ERCC6: variants seen among roughly 807,000 people sequenced by gnomAD.
ERCC6 encodes the protein DNA excision repair protein ERCC-6.
In ERCC6, 116 loss-of-function variants were observed where a neutral mutation model predicts 158.7. The observed-to-expected ratio is 0.73, with a 90% CI of 0.63 to 0.85. ERCC6 has a LOEUF of 0.85. Ranked by LOEUF, ERCC6 falls within the 40% of genes least tolerant of loss-of-function variation. ERCC6 has a pLI of 0.00. For missense variants in ERCC6, 1,698 were observed against 1,799.4 expected (o/e 0.94, Z 1.02); for synonymous variants, 678 against 659.3 (o/e 1.03, Z -0.43).
At chr10:49,516,785 A>C in intron 5 of ERCC6, 2 of 1,614,112 alleles carry the variant, frequency 1.2e-6, no homozygotes, top group Middle Eastern at 1.6e-4. Flanking sequence ...ATTTGCAAAG[A>C]ATTTTTGTCA....
chr10:49,529,738 G>C (rs953110816), intron 3 of ERCC6, among the ~76,000 whole-genome samples: 4 of 152,148 alleles, frequency 2.6e-5, no homozygotes, highest in African/African-American at 9.7e-5. Context: ...TCACTGCAGT[G>C]AATCAACTGT....
At chr10:49,510,486 A>G (rs1461442249) in intron 5 of ERCC6, among the ~76,000 whole-genome samples, 2 of 152,018 alleles carry the variant, frequency 1.3e-5, no homozygotes, top group African/African-American at 4.8e-5. Context: ...GAAACCTCCC[A>G]TGACCAGCCA....
rs1180526307 is a variant in ERCC6 at position 49,500,557 on chromosome 10, T to A, written c.1666A>T (p.Thr556Ser). 5.0e-6 allele frequency: 8 copies of A among 1,613,696 alleles called. No individual in the cohort carries two copies. The Admixed American group carries it at 1.0e-4, about 20-fold the overall frequency. Reference sequence around the variant, plus strand: ...ACTTGCCTGTAATTTGAACCACGAGTCCTGATCTTGCTGTAGCTCAGACCT... The same window carrying A: ...ACTTGCCTGTAATTTGAACCACGAGACCTGATCTTGCTGTAGCTCAGACCT... ...LAGLSYSKIR[T>S]RGSNYRFEGL... Residue 556 changes from threonine (T) to serine (S), a missense_variant, in exon 7 of 21, where the codon ACT (threonine) becomes TCT (serine). Coordinates refer to ENST00000355832, the MANE Select transcript of ERCC6 (RefSeq NM_000124.4).
In ERCC6 at chr10:49,505,727, C is replaced by T. The variant is rs897780448; in HGVS notation, c.1526+157G>A. The T allele has an allele frequency of 9.2e-6, 7 of 759,448 alleles. No individual in the cohort carries two copies. In the African/African-American group the frequency reaches 1.1e-4, roughly 11 times the overall value. 47.0% of individuals were successfully genotyped at this position (759,448 alleles called of 1,614,324 possible). A position where few individuals can be genotyped will look rare whatever the true frequency, so the allele number is the denominator to read the frequency against. ...ATTATCATCCAATTTTAATGAACAG[C>T]ACGTGGCTATAATTTCATTTGACAG... On this transcript the variant is annotated intron_variant, in intron 6 of 20. Transcript: ENST00000355832.
rs775532307 is a variant in ERCC6, at chr10:49,471,083, T to C, written c.2962A>G (p.Lys988Glu). 11 of 1,614,082 alleles carry C rather than the reference T, an allele frequency of 6.8e-6. No individual in the cohort carries two copies. The East Asian group carries it at 1.8e-4, about 26-fold the overall frequency. ...AAAAACCGCCTTTGTTTTGGGTCTT[T>C]TAGCACTCTATTTGTCAAAAACTGC... The part of the protein sequence containing the change: ...FKQFLTNRVL[K>E]DPKQRRFFKS... Residue 988 changes from lysine (K) to glutamate (E), a missense_variant, in exon 17 of 21, where the codon AAA (lysine) becomes GAA (glutamate). By Grantham distance (56) the Lys-to-Glu change is moderately conservative. Coordinates refer to ENST00000355832, the MANE Select transcript of ERCC6 (RefSeq NM_000124.4).
chr10:49,462,886 G>C (rs955080860), intron 18 of ERCC6, among the ~76,000 whole-genome samples: 2 of 152,216 alleles, frequency 1.3e-5, no homozygotes, highest in Admixed American at 1.3e-4. Flanking sequence ...CCTTACAAAA[G>C]GGAGTTGGGC....
chr10:49,487,273 C>A (rs1013775684), intron 8 of ERCC6, among the ~76,000 whole-genome samples: 5 of 152,094 alleles, frequency 3.3e-5, no homozygotes, highest in African/African-American at 1.2e-4. Flanking sequence ...AACCACAATG[C>A]CTGGACCTAT....
intron 8 of ERCC6, among the ~76,000 whole-genome samples, chr10:49,488,700 T>C (rs1851119890): frequency 2.6e-5 from 4 of 152,006 alleles, no homozygotes; most frequent in Admixed American, 2.6e-4. Flanking sequence ...AAGCCACGTC[T>C]TTTTGCTCTA....
At chr10:49,508,384 T>C (rs1422655668) in intron 5 of ERCC6, among the ~76,000 whole-genome samples, 1 of 152,142 alleles carries the variant, frequency 6.6e-6, no homozygotes, top group African/African-American at 2.4e-5. Context: ...ATCGACAAGA[T>C]TCAGTTTCCT....
chr10:49,468,671 C>T (rs1253935491), intron 18 of ERCC6, among the ~76,000 whole-genome samples: 3 of 152,130 alleles, frequency 2.0e-5, no homozygotes, highest in African/African-American at 7.2e-5. Context: ...CACATACATA[C>T]ATCTATTTCC....
In ERCC6 at chr10:49,478,402, C is replaced by T; in HGVS notation, c.2238G>A (p.Met746Ile). The change falls in exon 11 of 21, where the codon ATG becomes ATA. Residue 746 changes from methionine (M) to isoleucine (I), a missense_variant. Met to Ile is a conservative substitution (Grantham distance 10). Transcript: ENST00000355832. Reference protein sequence around the residue: ...DTINPYLLRRMKSDVKMSLSL... With the variant: ...DTINPYLLRRIKSDVKMSLSL... ...AAAGGCTCATCTTGACATCTGACTTCATTCTCCGCAGTAGGTATGGATTTA... is the reference window on the plus strand; with the variant it reads ...AAAGGCTCATCTTGACATCTGACTTTATTCTCCGCAGTAGGTATGGATTTA... 1.2e-6 allele frequency: 2 copies of T among 1,614,052 alleles called. No individual in the cohort carries two copies. The highest frequency in any genetic ancestry group is 1.7e-6 in the Non-Finnish European group (2 of 1,179,966).
At position 49,470,646 on chromosome 10, in the gene ERCC6, T is replaced by G. The variant is rs757873730; in HGVS notation, c.3314A>C (p.Asp1105Ala). The G allele has an allele frequency of 1.1e-5, 18 of 1,613,642 alleles. No individual in the cohort carries two copies. The highest frequency in any genetic ancestry group is 1.6e-4 in the Middle Eastern group (1 of 6,084). Residue 1105 changes from aspartate (D) to alanine (A), a missense_variant, in exon 18 of 21, where the codon GAT (aspartate) becomes GCT (alanine). Asp to Ala is a moderately radical substitution (Grantham distance 126, BLOSUM62 -2). Transcript: ENST00000355832. ...TGCATTTGTCTCTTCTCCAAGCCTA[T>G]CATTGCTAGTTACATTACTACTCAT... ...PHMSSNVTSN[D>A]RLGEETNAVS... is the part of the protein sequence containing the mutation.
At chr10:49,507,171 T>C (rs1851458341) in intron 5 of ERCC6, among the ~76,000 whole-genome samples, 1 of 152,194 alleles carries the variant, frequency 6.6e-6, no homozygotes, top group African/African-American at 2.4e-5. Context: ...AGGTAGCTAC[T>C]GGTGGACCTT....
At chr10:49,443,289 C>T in the ERCC6 span, among the ~76,000 whole-genome samples, 1 of 152,044 alleles carries the variant, frequency 6.6e-6, no homozygotes, top group Non-Finnish European at 1.5e-5. Context: ...TAGATGAAGA[C>T]AAAATTCCAA....
intron 5 of ERCC6, chr10:49,517,209 T>TA (rs1837005488): frequency 6.8e-7 from 1 of 1,479,952 alleles, no homozygotes. Flanking sequence ...GTCAAACCCA[T>TA]AACTAATGCA....
intron 5 of ERCC6, chr10:49,515,107 A>T (rs1836906692): frequency 3.9e-6 from 4 of 1,027,160 alleles, no homozygotes; most frequent in Non-Finnish European, 5.1e-6. Flanking sequence ...CTAAGAAAAC[A>T]TCTTTAACCC....
rs1471311719 is a variant in ERCC6 at position 49,517,234 on chromosome 10, T to C, written c.1397+6799A>G. 2.1e-6 allele frequency: 3 copies of C among 1,408,128 alleles called. No homozygotes were observed. In the African/African-American group the frequency reaches 4.3e-5, roughly 20 times the overall value. The allele number at this position is 1,408,128 out of a possible 1,614,324, so 87.2% of individuals were successfully genotyped here. A position where few individuals can be genotyped will look rare whatever the true frequency, so the allele number is the denominator to read the frequency against. On this transcript the variant is annotated intron_variant, in intron 5 of 20. Coordinates refer to ENST00000355832, the MANE Select transcript of ERCC6 (RefSeq NM_000124.4). ...TAACTAATGCAATAATAATACTTTC[T>C]GTATTTTCTTTTTACCGCACAATAG...
intron 5 of ERCC6, chr10:49,516,769 T>C: frequency 6.2e-7 from 1 of 1,614,160 alleles, no homozygotes; most frequent in East Asian, 2.2e-5. Flanking sequence ...AGGTCGGCTT[T>C]TTTCCATTTG....
intron 18 of ERCC6, among the ~76,000 whole-genome samples, chr10:49,466,348 T>C (rs549680370): frequency 1.3e-5 from 2 of 152,332 alleles, no homozygotes; most frequent in African/African-American, 4.8e-5. Flanking sequence ...ATCCTAGGAT[T>C]GACAAGTAAC....
Sources: gnomAD v4.1 joint callset for allele counts (sites outside exome capture counted in the v4.1 genomes callset) on GRCh38, gnomAD v4.1.1 for gene constraint, MANE v1.5 for transcripts, NCBI Gene and HGNC (gene_info 2026-07-23, HGNC 2026-07-21) for gene names.